Variants in PMFBP1 observed in about 807,000 individuals in gnomAD.
PMFBP1 encodes polyamine modulated factor 1 binding protein 1, also known as polyamine-modulated factor 1-binding protein 1.
A neutral mutation model predicts 137.8 loss-of-function variants in PMFBP1; 131 were observed. The ratio of observed to expected loss-of-function variants is 0.95; its 90% CI spans 0.82 to 1.10. PMFBP1 has a LOEUF of 1.10. PMFBP1 is among the 50% of genes least tolerant of loss of function. The probability of loss-of-function intolerance (pLI) is 0.00; values close to 1 mark genes in which losing one functional copy is unlikely to be tolerated. For missense variants in PMFBP1, 1,199 were observed against 1,175.4 expected (o/e 1.02, Z -0.29); for synonymous variants, 490 against 450.4 (o/e 1.09, Z -1.11).
the PMFBP1 span, among the ~76,000 whole-genome samples, chr16:72,225,936 C>CAG: frequency 1.6e-5 from 1 of 62,614 alleles, no homozygotes; most frequent in African/African-American, 4.3e-5. Flanking sequence ...CACTCACAGA[C>CAG]ACACACACAC....
At chr16:72,120,246 C>G in intron 19 of PMFBP1, 157 bp from the exon 20 acceptor site, 3 of 1,254,106 alleles carry the variant, frequency 2.4e-6, no homozygotes, top group East Asian at 2.3e-5. Flanking sequence ...GAAATGGAAG[C>G]CTACGTGTGT....
intron 14 of PMFBP1, chr16:72,128,434 T>G: frequency 6.7e-7 from 1 of 1,496,916 alleles, no homozygotes; most frequent in African/African-American, 1.4e-5. Flanking sequence ...AGCTTGGGGC[T>G]CCACCAGATA....
At chr16:72,166,184 A>ATCCCCATGTGT (rs1399964832) in intron 2 of PMFBP1, among the ~76,000 whole-genome samples, 1 of 152,058 alleles carries the variant, frequency 6.6e-6, no homozygotes, top group East Asian at 1.9e-4. Context: ...TCAAATTGTA[A>ATCCCCATGTGT]TCCCCATGTG....
the PMFBP1 span, among the ~76,000 whole-genome samples, chr16:72,218,593 A>G: frequency 3.9e-5 from 6 of 152,192 alleles, no homozygotes; most frequent in Admixed American, 3.9e-4. Context: ...ATACTTAAAC[A>G]TTTTAAATAT....
chr16:72,228,372 T>C, the PMFBP1 span, among the ~76,000 whole-genome samples: 2 of 152,222 alleles, frequency 1.3e-5, no homozygotes, highest in African/African-American at 4.8e-5. Context: ...TGTTATGTTG[T>C]TGCTTTTGCC....
chr16:72,193,717 C>T, the PMFBP1 span, among the ~76,000 whole-genome samples: 51 of 116,172 alleles, frequency 4.4e-4, no homozygotes, highest in East Asian at 7.4e-3. Flanking sequence ...GACTTTATAT[C>T]AGTGAGGAAA....
At chr16:72,175,680 T>C (rs2043256654), upstream of PMFBP1, among the ~76,000 whole-genome samples, 1 of 152,228 alleles carries the variant, frequency 6.6e-6, no homozygotes, top group African/African-American at 2.4e-5. Flanking sequence ...TGTGGGATAA[T>C]ACAAACTAAC....
the PMFBP1 span, among the ~76,000 whole-genome samples, chr16:72,208,207 C>T: frequency 3.9e-5 from 6 of 152,268 alleles, no homozygotes; most frequent in African/African-American, 7.2e-5. Context: ...GTAGCCCAAT[C>T]GAGCTGATAC....
intron 3 of PMFBP1, among the ~76,000 whole-genome samples, chr16:72,157,810 C>T (rs867275446): frequency 2.6e-5 from 4 of 152,196 alleles, no homozygotes; most frequent in South Asian, 2.1e-4. Context: ...CAAAGGATGA[C>T]GGCGTGGACC....
At chr16:72,163,663 A>C (rs1027985992) in intron 3 of PMFBP1, among the ~76,000 whole-genome samples, 1 of 152,092 alleles carries the variant, frequency 6.6e-6, no homozygotes, top group Non-Finnish European at 1.5e-5. Flanking sequence ...AGGTGTGTCC[A>C]CTCATTGATT....
At chr16:72,233,101 A>C in the PMFBP1 span, among the ~76,000 whole-genome samples, 1 of 152,108 alleles carries the variant, frequency 6.6e-6, no homozygotes, top group African/African-American at 2.4e-5. Flanking sequence ...GCTAAAGGGA[A>C]AACTAAGGTT....
At chr16:72,156,764 A>G (rs1258219852) in intron 3 of PMFBP1, among the ~76,000 whole-genome samples, 1 of 152,144 alleles carries the variant, frequency 6.6e-6, no homozygotes, top group Non-Finnish European at 1.5e-5. Flanking sequence ...TACTGCTGCT[A>G]TGAACATTAA....
chr16:72,121,962 C>A (rs1291094355), intron 19 of PMFBP1, among the ~76,000 whole-genome samples: 1 of 152,104 alleles, frequency 6.6e-6, no homozygotes, highest in African/African-American at 2.4e-5. Context: ...ACTCATGTCA[C>A]AGGATTTTGT....
chr16:72,176,219 G>T (rs2043259092), upstream of PMFBP1, among the ~76,000 whole-genome samples: 1 of 152,324 alleles, frequency 6.6e-6, no homozygotes, highest in East Asian at 1.9e-4. Flanking sequence ...CCAGAAAGAG[G>T]CTTTTGAATG....
the PMFBP1 span, among the ~76,000 whole-genome samples, chr16:72,191,820 C>T: frequency 6.6e-5 from 10 of 152,296 alleles, no homozygotes; most frequent in South Asian, 1.7e-3. Context: ...AGTAAAGTAT[C>T]GGGCCTGGTT....
the PMFBP1 span, among the ~76,000 whole-genome samples, chr16:72,183,852 A>G: frequency 6.6e-6 from 1 of 151,780 alleles, no homozygotes; most frequent in Admixed American, 6.6e-5. Flanking sequence ...CTGCCTCTTG[A>G]TATTTCCTCT....
At chr16:72,147,804 G>A (rs538248647) in intron 5 of PMFBP1, among the ~76,000 whole-genome samples, 23 of 152,256 alleles carry the variant, frequency 1.5e-4, no homozygotes, top group Admixed American at 1.3e-3. Flanking sequence ...AGAAGTGCAA[G>A]TCAAAACCAC....
At chr16:72,210,120 T>C in the PMFBP1 span, among the ~76,000 whole-genome samples, 4 of 152,120 alleles carry the variant, frequency 2.6e-5, no homozygotes, top group Admixed American at 2.0e-4. Context: ...CCATTAGGAG[T>C]GAATTCTGTT....
intron 2 of PMFBP1, among the ~76,000 whole-genome samples, chr16:72,170,152 C>T (rs150424419): frequency 1.3e-5 from 2 of 151,790 alleles, no homozygotes; most frequent in East Asian, 1.9e-4. Context: ...GAACAATGAA[C>T]GCCTGGCATA....
Sources: gnomAD v4.1 joint callset for allele counts (sites outside exome capture counted in the v4.1 genomes callset) on GRCh38, gnomAD v4.1.1 for gene constraint, MANE v1.5 for transcripts, NCBI Gene and HGNC (gene_info 2026-07-23, HGNC 2026-07-21) for gene names.